The following OMA1 variants were observed in gnomAD, a reference collection of about 807,000 sequenced individuals.
The protein encoded by OMA1 is metalloendopeptidase OMA1, mitochondrial.
Under a neutral mutation model 30.9 loss-of-function variants are expected in OMA1, and 38 were observed. The observed-to-expected ratio is 1.23, with a 90% CI of 0.95 to 1.61. The LOEUF is 1.61. Among genes scored for constraint, OMA1 ranks in the 40% most tolerant of loss-of-function variants. The pLI, the probability that OMA1 is intolerant of heterozygous loss-of-function variation, is 0.00. For missense variants in OMA1, 461 were observed against 349.2 expected, an observed-to-expected ratio of 1.32 and a Z score of -2.55; for synonymous variants, 173 against 121.9, an observed-to-expected ratio of 1.42 and a Z score of -2.76.
At chr1:58,499,303 C>G (rs1400282549) in intron 8 of OMA1, among the ~76,000 whole-genome samples, 1 of 131,382 alleles carries the variant, frequency 7.6e-6, no homozygotes, top group African/African-American at 3.1e-5. Flanking sequence ...CACAGCAAGA[C>G]CACATCTCTA....
intron 8 of OMA1, among the ~76,000 whole-genome samples, chr1:58,505,097 C>T (rs1645966417): frequency 6.6e-6 from 1 of 152,072 alleles, no homozygotes; most frequent in African/African-American, 2.4e-5. Flanking sequence ...GGATTACAGG[C>T]GCATGCCACC....
At chr1:58,497,395 C>T (rs1475122839) in intron 8 of OMA1, among the ~76,000 whole-genome samples, 2 of 152,100 alleles carry the variant, frequency 1.3e-5, no homozygotes, top group Non-Finnish European at 2.9e-5. Flanking sequence ...TAAGGAATTA[C>T]TATGAGTTTC....
rs71043292 is a variant in OMA1, at chr1:58,541,293, C to CAAAAAAAAAAAAA, written c.-16-1996_-16-1984dup. ...TGGGCAACAGAGTGAGACTCTGTCT[C>CAAAAAAAAAAAAA]AAAAAAAAAAAAAAAAAAAAAAAAA... On this transcript the variant is annotated intron_variant, in intron 1 of 8. Transcript: ENST00000371226. 7.3e-5 allele frequency among the ~76,000 whole-genome samples: 2 copies of CAAAAAAAAAAAAA among 27,572 alleles called. 1 individual carries two copies. 18.1% of individuals were successfully genotyped at this position (27,572 alleles called of 152,430 possible).
At chr1:58,526,000 G>C (rs1646343657) in intron 7 of OMA1, among the ~76,000 whole-genome samples, 1 of 151,662 alleles carries the variant, frequency 6.6e-6, no homozygotes, top group Non-Finnish European at 1.5e-5. Context: ...CTATCCATAG[G>C]GGAAAAAAAA....
chr1:58,526,601 CA>C (rs10574530), intron 7 of OMA1, among the ~76,000 whole-genome samples: 38,596 of 121,070 alleles, frequency 0.32, 5,480 homozygotes, highest in East Asian at 0.56. Context: ...CTATGGCTAG[CA>C]AAAAAAAAAA....
intron 3 of OMA1, among the ~76,000 whole-genome samples, chr1:58,536,303 G>C (rs1257671624): frequency 6.6e-6 from 1 of 152,124 alleles, no homozygotes; most frequent in Admixed American, 6.5e-5. Flanking sequence ...GAAATGTGCT[G>C]AGCAGGAGTT....
At chr1:58,528,816 C>A (rs1204280276) in intron 6 of OMA1, among the ~76,000 whole-genome samples, 1 of 152,200 alleles carries the variant, frequency 6.6e-6, no homozygotes, top group Non-Finnish European at 1.5e-5. Context: ...TAGAGAGAAA[C>A]ATCTCCTCGT....
intron 2 of OMA1, among the ~76,000 whole-genome samples, chr1:58,538,478 T>C (rs2100491872): frequency 6.6e-6 from 1 of 150,640 alleles, no homozygotes; most frequent in East Asian, 1.9e-4. Flanking sequence ...TAAGATTTTG[T>C]AGTCATAAAT....
intron 7 of OMA1, among the ~76,000 whole-genome samples, chr1:58,519,933 A>C (rs542804263): frequency 1.3e-5 from 2 of 152,116 alleles, no homozygotes; most frequent in Middle Eastern, 3.4e-3. Flanking sequence ...GCTAAAAATA[A>C]GATTAATGAA....
chr1:58,504,677 A>T (rs1240047291), intron 8 of OMA1, among the ~76,000 whole-genome samples: 1 of 152,218 alleles, frequency 6.6e-6, no homozygotes, highest in Non-Finnish European at 1.5e-5. Context: ...AAGTATCAAT[A>T]AATATCGATC....
intron 2 of OMA1, among the ~76,000 whole-genome samples, 160 bp from the exon 3 acceptor site, chr1:58,536,901 A>C (rs1008467653): frequency 2.0e-5 from 3 of 152,204 alleles, no homozygotes; most frequent in African/African-American, 7.2e-5. Context: ...TTCTTAGCTA[A>C]ATGATGAAAA....
intron 3 of OMA1, 135 bp from the exon 4 acceptor site, chr1:58,534,466 A>C (rs1646485638): frequency 5.7e-6 from 3 of 529,440 alleles, no homozygotes; most frequent in Non-Finnish European, 9.9e-6. Flanking sequence ...TATATTAAGC[A>C]CTGAAATTTC....
chr1:58,545,524 G>C (rs1205358728), intron 1 of OMA1, among the ~76,000 whole-genome samples: 1 of 152,100 alleles, frequency 6.6e-6, no homozygotes, highest in Non-Finnish European at 1.5e-5. Flanking sequence ...AAAAAAATCA[G>C]GGCTGACATA....
At chr1:58,521,470 T>C (rs1173018597) in intron 7 of OMA1, among the ~76,000 whole-genome samples, 1 of 150,954 alleles carries the variant, frequency 6.6e-6, no homozygotes, top group Non-Finnish European at 1.5e-5. Flanking sequence ...AATTATATAA[T>C]AGAGACAATA....
chr1:58,501,799 G>C (rs1645910755), intron 8 of OMA1, among the ~76,000 whole-genome samples: 1 of 152,116 alleles, frequency 6.6e-6, no homozygotes, highest in Non-Finnish European at 1.5e-5. Context: ...CAGTGTAACT[G>C]TATTTGGAAA....
chr1:58,489,815 G>A (rs919724986), intron 8 of OMA1, among the ~76,000 whole-genome samples: 48 of 152,198 alleles, frequency 3.2e-4, no homozygotes, highest in Non-Finnish European at 6.9e-4. Context: ...CTCCGCTGCT[G>A]ATATCCAGGC....
At chr1:58,508,265 ATT>A (rs921126936) in intron 7 of OMA1, among the ~76,000 whole-genome samples, 3 of 152,202 alleles carry the variant, frequency 2.0e-5, no homozygotes, top group African/African-American at 7.2e-5. Context: ...AAGTCAGATA[ATT>A]TTGTTTCCAA....
At chr1:58,532,885 T>C (rs1251221635) in intron 5 of OMA1, among the ~76,000 whole-genome samples, 1 of 152,180 alleles carries the variant, frequency 6.6e-6, no homozygotes, top group Non-Finnish European at 1.5e-5. Flanking sequence ...ATAATTACTT[T>C]CAGTGTTTCA....
intron 7 of OMA1, among the ~76,000 whole-genome samples, chr1:58,507,182 A>G (rs1478038401): frequency 6.6e-6 from 1 of 151,932 alleles, no homozygotes; most frequent in African/African-American, 2.4e-5. Context: ...TAATTTGTTC[A>G]ATTTATTCAC....
Sources: allele counts gnomAD v4.1 joint callset (sites outside exome capture counted in the v4.1 genomes callset), GRCh38; gene constraint gnomAD v4.1.1; transcripts MANE v1.5; gene names NCBI Gene and HGNC (gene_info 2026-07-23, HGNC 2026-07-21).